Variants in OSTN observed in about 807,000 individuals in gnomAD.
The protein encoded by OSTN is osteocrin.
Under a neutral mutation model 12.0 loss-of-function variants are expected in OSTN, and 9 were observed. That is an observed-to-expected ratio of 0.75 (90% confidence interval 0.45 to 1.30). The LOEUF (loss-of-function observed/expected upper bound fraction) is 1.30. OSTN is among the 50% of genes most tolerant of loss of function. The pLI is 0.00. For missense variants in OSTN, 148 were observed against 152.3 expected, an observed-to-expected ratio of 0.97 and a Z score of 0.15; for synonymous variants, 59 against 56.9, an observed-to-expected ratio of 1.04 and a Z score of -0.16.
At chr3:191,202,122 C>T (rs1357842311) in intron 1 of OSTN, among the ~76,000 whole-genome samples, 2 of 152,094 alleles carry the variant, frequency 1.3e-5, no homozygotes, top group African/African-American at 2.4e-5. Context: ...AGTTAGGAGA[C>T]CAGATTTCTA....
intron 4 of OSTN, among the ~76,000 whole-genome samples, chr3:191,262,537 C>A (rs983148164): frequency 2.0e-5 from 3 of 152,034 alleles, no homozygotes; most frequent in African/African-American, 7.2e-5. Context: ...ACGGCAGTAT[C>A]CTTTGAACAA....
At chr3:191,217,583 T>G (rs978171649) in intron 2 of OSTN, among the ~76,000 whole-genome samples, 19 of 152,194 alleles carry the variant, frequency 1.2e-4, no homozygotes, top group African/African-American at 4.6e-4. Flanking sequence ...TAGGAGCATT[T>G]AAGAAATGCT....
At chr3:191,213,181 C>G (rs1403072629) in intron 2 of OSTN, 3 of 152,048 alleles carry the variant, frequency 2.0e-5, no homozygotes, top group Admixed American at 6.5e-5. Context: ...TTTTTTGACT[C>G]TTTTGTAAAC....
chr3:191,254,919 A>C (rs1190748038), intron 4 of OSTN, among the ~76,000 whole-genome samples: 2 of 152,164 alleles, frequency 1.3e-5, no homozygotes, highest in African/African-American at 4.8e-5. Context: ...CACCTGTATG[A>C]ATTTGGGTGA....
intron 1 of OSTN, among the ~76,000 whole-genome samples, chr3:191,206,600 C>A (rs924652013): frequency 3.3e-5 from 5 of 152,174 alleles, no homozygotes; most frequent in Non-Finnish European, 7.3e-5. Flanking sequence ...CAGAAAATAG[C>A]CAGCTTCACC....
chr3:191,200,411 C>A (rs1714126203), intron 1 of OSTN, among the ~76,000 whole-genome samples: 1 of 152,140 alleles, frequency 6.6e-6, no homozygotes, highest in African/African-American at 2.4e-5. Context: ...CAGATATCTT[C>A]AGTTGACTGG....
At chr3:191,235,702 T>TTTCATA (rs1715171984) in intron 3 of OSTN, among the ~76,000 whole-genome samples, 1 of 152,224 alleles carries the variant, frequency 6.6e-6, no homozygotes, top group African/African-American at 2.4e-5. Context: ...AGCATCCTGA[T>TTTCATA]GAGTTTGCTT....
chr3:191,231,588 C>T (rs1243150933), intron 3 of OSTN, among the ~76,000 whole-genome samples: 2 of 152,008 alleles, frequency 1.3e-5, no homozygotes, highest in Non-Finnish European at 2.9e-5. Context: ...TTCACAAGAC[C>T]AGGAATTATT....
chr3:191,245,832 G>A (rs1484833397), intron 3 of OSTN, among the ~76,000 whole-genome samples: 5 of 151,842 alleles, frequency 3.3e-5, no homozygotes, highest in Non-Finnish European at 5.9e-5. Flanking sequence ...TTGGGAGGCC[G>A]AGGCGGGTGG....
chr3:191,209,973 T>A (rs775575989), intron 1 of OSTN, among the ~76,000 whole-genome samples: 1 of 152,220 alleles, frequency 6.6e-6, no homozygotes, highest in Non-Finnish European at 1.5e-5. Flanking sequence ...ATTAGTCCAT[T>A]CTCACACTGC....
At chr3:191,261,813 C>G (rs1715817514) in intron 4 of OSTN, among the ~76,000 whole-genome samples, 1 of 152,192 alleles carries the variant, frequency 6.6e-6, no homozygotes, top group Non-Finnish European at 1.5e-5. Flanking sequence ...CTCTAAGCAA[C>G]TCAAATTCAA....
At chr3:191,220,717 A>G (rs1714740846) in intron 3 of OSTN, among the ~76,000 whole-genome samples, 1 of 152,190 alleles carries the variant, frequency 6.6e-6, no homozygotes, top group Non-Finnish European at 1.5e-5. Context: ...GAGCTTTTAG[A>G]GAAGAAAATA....
At chr3:191,201,744 T>A (rs9842172) in intron 1 of OSTN, among the ~76,000 whole-genome samples, 60,766 of 152,034 alleles carry the variant, frequency 0.4, 12,832 homozygotes, top group African/African-American at 0.54. Flanking sequence ...TCACTCTGCC[T>A]TAATTCTAGA....
intron 3 of OSTN, among the ~76,000 whole-genome samples, chr3:191,242,979 AT>A (rs1298419852): frequency 2.0e-5 from 3 of 151,750 alleles, no homozygotes; most frequent in African/African-American, 7.3e-5. Flanking sequence ...AAAAAAAAAC[AT>A]TAGAAAAACA....
intron 3 of OSTN, among the ~76,000 whole-genome samples, chr3:191,242,370 C>T (rs1285127800): frequency 6.6e-6 from 1 of 152,130 alleles, no homozygotes; most frequent in Non-Finnish European, 1.5e-5. Flanking sequence ...GACTCAATAT[C>T]ATAAAGATTT....
At chr3:191,260,420 A>C (rs1715780499) in intron 4 of OSTN, among the ~76,000 whole-genome samples, 1 of 152,072 alleles carries the variant, frequency 6.6e-6, no homozygotes. Flanking sequence ...CTAAGAGAGC[A>C]AAAGACTCTT....
intron 3 of OSTN, among the ~76,000 whole-genome samples, chr3:191,226,873 C>T (rs914268360): frequency 2.6e-5 from 4 of 151,980 alleles, no homozygotes; most frequent in African/African-American, 9.7e-5. Flanking sequence ...CTAAATGCAT[C>T]AGAGATTTGA....
chr3:191,237,609 C>G (rs1382737833), intron 3 of OSTN, among the ~76,000 whole-genome samples: 1 of 152,156 alleles, frequency 6.6e-6, no homozygotes, highest in East Asian at 1.9e-4. Flanking sequence ...GTGGAATGCC[C>G]CTAGAAGGTC....
In OSTN at chr3:191,262,961, C is replaced by A; in HGVS notation, c.*108C>A. 1 of 689,546 alleles carries A rather than the reference C, an allele frequency of 1.5e-6. No individual in the cohort carries two copies. Among genetic ancestry groups the A allele is most frequent in the Non-Finnish European group, 2.7e-6 (1 of 376,590 alleles). The allele number at this position is 689,546 out of a possible 1,614,324, so 42.7% of individuals were successfully genotyped here. On this transcript the variant is annotated 3_prime_UTR_variant, in exon 5 of 5. Transcript: ENST00000682035. The stretch of plus-strand genomic sequence containing the variant: ...ATGATTAAACTTTTAAGGAACTGAC[C>A]TTCTGCAAATCCTTTCCAAAGCTTG...
Sources: gnomAD v4.1 joint callset for allele counts (sites outside exome capture counted in the v4.1 genomes callset) on GRCh38, gnomAD v4.1.1 for gene constraint, MANE v1.5 for transcripts, NCBI Gene and HGNC (gene_info 2026-07-23, HGNC 2026-07-21) for gene names.